The following GLRA2 variants were observed in gnomAD, a reference collection of about 807,000 sequenced individuals.
GLRA2 encodes glycine receptor subunit alpha-2.
A neutral mutation model predicts 31.6 loss-of-function variants in GLRA2; 11 were observed. The observed-to-expected ratio is 0.35, with a 90% confidence interval of 0.22 to 0.58. GLRA2 has a LOEUF of 0.58. Ranked by LOEUF, GLRA2 falls within the 20% of genes least tolerant of loss-of-function variation. GLRA2 has a pLI of 0.84. For synonymous variants in GLRA2, 132 were observed against 134.0 expected, an observed-to-expected ratio of 0.99 and a Z score of 0.10; for missense variants, 212 against 351.8, an observed-to-expected ratio of 0.60 and a Z score of 3.18.
At chrX:14,595,814 A>C (rs1358442861) in intron 4 of GLRA2, among the ~76,000 whole-genome samples, 1 of 111,988 alleles carries the variant, frequency 8.9e-6, no homozygotes, top group African/African-American at 3.2e-5. Context: ...GTATTGTCTA[A>C]GTGGGAGAGT....
intron 7 of GLRA2, among the ~76,000 whole-genome samples, chrX:14,635,428 G>T (rs1361416565): frequency 1.8e-5 from 2 of 111,815 alleles, no homozygotes; most frequent in Non-Finnish European, 3.8e-5. Context: ...GTGGCTGAGG[G>T]AAGAAGAGGC....
At chrX:14,520,285 A>G in the GLRA2 span, among the ~76,000 whole-genome samples, 1 of 112,516 alleles carries the variant, frequency 8.9e-6, no homozygotes, top group East Asian at 2.8e-4. Context: ...AGAAGATTCT[A>G]AGACAAGTGC....
chrX:14,672,203 C>T lies in GLRA2; in HGVS notation c.931-18507C>T, dbSNP rs749373839. 5.9e-4 allele frequency among the ~76,000 whole-genome samples: 66 copies of T among 112,188 alleles called. 1 individual carries two copies. Among genetic ancestry groups the T allele is most frequent in the Admixed American group, 5.4e-3 (57 of 10,614 alleles). On this transcript the variant is annotated intron_variant, in intron 7 of 8. Transcript: ENST00000218075. ...CTTCTCATGGCTCTCTCTAACACAG[C>T]CTTGCTGCTTTCTCTTACTTTAGAT...
At chrX:14,647,388 G>T (rs1157041618) in intron 7 of GLRA2, among the ~76,000 whole-genome samples, 1 of 111,942 alleles carries the variant, frequency 8.9e-6, no homozygotes, top group African/African-American at 3.3e-5. Flanking sequence ...AGACAGGCAG[G>T]AGTAGATCTC....
chrX:14,598,657 G>A (rs1213578973), intron 4 of GLRA2, among the ~76,000 whole-genome samples: 1 of 111,361 alleles, frequency 9.0e-6, no homozygotes, highest in Non-Finnish European at 1.9e-5. Flanking sequence ...AGCATCCTGT[G>A]GACTCTGATG....
At chrX:14,521,928 C>T in the GLRA2 span, among the ~76,000 whole-genome samples, 2 of 112,052 alleles carry the variant, frequency 1.8e-5, no homozygotes, top group Admixed American at 9.4e-5. Context: ...AGTCTTGCCT[C>T]TATGTTGATG....
In GLRA2 at chrX:14,690,784, C is replaced by A. The variant is rs374660375; in HGVS notation, c.1005C>A (p.Tyr335Ter). The change falls in exon 8 of 9, where the codon TAC (tyrosine) becomes TAA (stop). Residue 335 changes from tyrosine (Y) to a stop codon, truncating the protein, a stop_gained. Transcript: ENST00000218075. LOFTEE classifies it high-confidence loss of function. ...TTGTGTTTGCTGCCTTACTGGAATA[C>A]GCAGCGGTGAACTTCGTCTCCAGGC... ...LLFVFAALLE[Y>*]AAVNFVSRQH... 8.3e-7 allele frequency: 1 copy of A among 1,201,083 alleles called. No homozygotes were observed. The highest frequency in any genetic ancestry group is 1.1e-6 in the Non-Finnish European group (1 of 886,329).
At chrX:14,620,486 G>C (rs1396960441) in intron 7 of GLRA2, among the ~76,000 whole-genome samples, 3 of 110,555 alleles carry the variant, frequency 2.7e-5, no homozygotes, top group African/African-American at 9.9e-5. Flanking sequence ...AGCAAGAACT[G>C]AGTAAGGTTT....
chrX:14,608,182 T>C lies in GLRA2; in HGVS notation c.716-809T>C, dbSNP rs184057320. Among the ~76,000 whole-genome samples, 5 of 111,766 alleles carry C rather than the reference T, an allele frequency of 4.5e-5. No individual in the cohort carries two copies. The Admixed American group carries it at 4.7e-4, about 11-fold the overall frequency. ...CCTATATCTTGTAATCTGTATGGAC[T>C]AAGCAAAATTACCTTCTGGAGTTCT... On this transcript the variant is annotated intron_variant, in intron 6 of 8. Coordinates refer to ENST00000218075, the MANE Select transcript of GLRA2 (RefSeq NM_002063.4).
chrX:14,520,124 A>C, the GLRA2 span, among the ~76,000 whole-genome samples: 2 of 112,226 alleles, frequency 1.8e-5, no homozygotes. Flanking sequence ...AATCCAGAAG[A>C]GGCATTTTAT....
intron 6 of GLRA2, 94 bp downstream of exon 6, chrX:14,607,362 A>G: frequency 1.3e-6 from 1 of 744,726 alleles, no homozygotes; most frequent in Middle Eastern, 3.5e-4. Context: ...ATTGCTGCAT[A>G]TTTACCAGGC....
intron 7 of GLRA2, among the ~76,000 whole-genome samples, chrX:14,620,734 T>C (rs1425674021): frequency 9.0e-6 from 1 of 111,562 alleles, no homozygotes; most frequent in Non-Finnish European, 1.9e-5. Flanking sequence ...AGATTACACA[T>C]GGATTGGTCT....
chrX:14,495,650 A>G, the GLRA2 span, among the ~76,000 whole-genome samples: 1 of 109,286 alleles, frequency 9.2e-6, no homozygotes, highest in Non-Finnish European at 1.9e-5. Flanking sequence ...CATATTGCAT[A>G]TATATCCTTA....
chrX:14,532,514 C>T (rs971235531), intron 2 of GLRA2, 142 bp downstream of exon 2: 24 of 330,846 alleles, frequency 7.3e-5, no homozygotes, highest in African/African-American at 1.4e-4. Context: ...TATTCTTTTG[C>T]GTTAGTTACT....
chrX:14,668,243 G>A (rs752112983), intron 7 of GLRA2, among the ~76,000 whole-genome samples: 1 of 112,332 alleles, frequency 8.9e-6, no homozygotes, highest in African/African-American at 3.2e-5. Context: ...GTGCCAGCAC[G>A]AAAGAAAGTG....
intron 7 of GLRA2, among the ~76,000 whole-genome samples, chrX:14,616,783 T>C (rs1297361125): frequency 8.9e-6 from 1 of 112,295 alleles, no homozygotes; most frequent in Non-Finnish European, 1.9e-5. Flanking sequence ...GAAACAATTA[T>C]TTTTTGTACA....
chrX:14,561,428 T>A (rs2089732670), intron 2 of GLRA2, among the ~76,000 whole-genome samples: 1 of 112,757 alleles, frequency 8.9e-6, no homozygotes. Flanking sequence ...ACCACCTGTT[T>A]TGTAAATAAA....
the GLRA2 span, among the ~76,000 whole-genome samples, chrX:14,463,637 A>G: frequency 9.0e-6 from 1 of 110,834 alleles, no homozygotes; most frequent in East Asian, 2.9e-4. Context: ...CTGCTGCACT[A>G]GCAGTGAGCA....
chrX:14,598,088 G>A (rs1260169363), intron 4 of GLRA2, among the ~76,000 whole-genome samples: 1 of 111,440 alleles, frequency 9.0e-6, no homozygotes, highest in Non-Finnish European at 1.9e-5. Context: ...AAAGTTTGTG[G>A]TGTGCTGCAT....
Sources: gnomAD v4.1 joint callset for allele counts (sites outside exome capture counted in the v4.1 genomes callset) on GRCh38, gnomAD v4.1.1 for gene constraint, MANE v1.5 for transcripts, NCBI Gene and HGNC (gene_info 2026-07-23, HGNC 2026-07-21) for gene names.